The following CARMIL1 variants were observed in gnomAD, a reference collection of about 807,000 sequenced individuals.
CARMIL1 encodes F-actin-uncapping protein LRRC16A.
CARMIL1 carries 90 observed loss-of-function variants against 177.1 expected under a neutral mutation model. The observed-to-expected ratio is 0.51, with a 90% CI of 0.43 to 0.61. The LOEUF (loss-of-function observed/expected upper bound fraction) is 0.61, where lower values mean the gene tolerates loss of function less well. Among genes scored for constraint, CARMIL1 ranks in the 20% least tolerant of loss-of-function variants. The probability of loss-of-function intolerance (pLI) is 0.00; values close to 1 mark genes in which losing one functional copy is unlikely to be tolerated. For synonymous variants in CARMIL1, 577 were observed against 606.2 expected (o/e 0.95, Z 0.71); for missense variants, 1,380 against 1,667.0 (o/e 0.83, Z 3.00).
At chr6:25,312,202 AAACTT>A (rs201076854) in intron 2 of CARMIL1, among the ~76,000 whole-genome samples, 1,543 of 152,310 alleles carry the variant, frequency 0.01, 29 homozygotes, top group African/African-American at 0.035. Context: ...GTGCTCAGAT[AAACTT>A]TAGAGCACCC....
chr6:25,592,116 A>G (rs1224125060), intron 31 of CARMIL1, among the ~76,000 whole-genome samples: 1 of 152,144 alleles, frequency 6.6e-6, no homozygotes, highest in African/African-American at 2.4e-5. Context: ...GCCCTGTGTT[A>G]GGACCGTATG....
intron 2 of CARMIL1, among the ~76,000 whole-genome samples, chr6:25,294,655 A>G (rs1230822964): frequency 6.6e-6 from 1 of 152,216 alleles, no homozygotes; most frequent in Non-Finnish European, 1.5e-5. Context: ...AGTGCAGTTC[A>G]AGTATTTGAA....
intron 30 of CARMIL1, 35 bp from the exon 31 acceptor site, chr6:25,581,207 TG>T (rs751636836): frequency 1.7e-5 from 27 of 1,587,368 alleles, no homozygotes; most frequent in East Asian, 1.6e-4. Context: ...GCTTTGGCCT[TG>T]GGCTGTTTTT....
chr6:25,583,004 C>T (rs981356170), intron 31 of CARMIL1, among the ~76,000 whole-genome samples: 1 of 152,130 alleles, frequency 6.6e-6, no homozygotes, highest in Non-Finnish European at 1.5e-5. Context: ...GAGGAAATAG[C>T]AAAAGCAGGA....
At chr6:25,306,309 A>C (rs1454740014) in intron 2 of CARMIL1, among the ~76,000 whole-genome samples, 1 of 152,172 alleles carries the variant, frequency 6.6e-6, no homozygotes, top group African/African-American at 2.4e-5. Flanking sequence ...GGTGAGCGGC[A>C]GGTAAGTGAG....
In CARMIL1 at chr6:25,471,289, G is replaced by A. The variant is rs999049289; in HGVS notation, c.779+32G>A. On this transcript the variant is annotated intron_variant, in intron 10 of 36. Coordinates refer to ENST00000329474, the MANE Select transcript of CARMIL1 (RefSeq NM_017640.6). ...ATTTTCCTGAATATATAAATATGTTGCTTTAAAACTCTGTGCCATTTGCTC... is the reference window on the plus strand; with the variant it reads ...ATTTTCCTGAATATATAAATATGTTACTTTAAAACTCTGTGCCATTTGCTC... 2.7e-6 allele frequency: 4 copies of A among 1,484,852 alleles called. No homozygotes were observed. In the African/African-American group the frequency reaches 5.6e-5, roughly 21 times the overall value. 92.0% of individuals were successfully genotyped at this position (1,484,852 alleles called of 1,614,324 possible).
At chr6:25,603,434 C>T (rs1008346886) in intron 33 of CARMIL1, among the ~76,000 whole-genome samples, 1 of 152,224 alleles carries the variant, frequency 6.6e-6, no homozygotes, top group African/African-American at 2.4e-5. Context: ...GCCTTCCTGC[C>T]ACTTGGGTGC....
chr6:25,405,050 T>TGC, intron 2 of CARMIL1, among the ~76,000 whole-genome samples: 1 of 152,016 alleles, frequency 6.6e-6, no homozygotes, highest in East Asian at 1.9e-4. Context: ...CCTCCTGTTG[T>TGC]GAAGACTGGG....
At chr6:25,453,449 G>A (rs969934385) in intron 8 of CARMIL1, among the ~76,000 whole-genome samples, 7 of 152,170 alleles carry the variant, frequency 4.6e-5, no homozygotes, top group Non-Finnish European at 1.0e-4. Context: ...CATTGAGACA[G>A]TGATCCCTTT....
At chr6:25,449,843 A>C (rs1581984197) in intron 5 of CARMIL1, 55 bp from the exon 6 acceptor site, 1 of 982,226 alleles carries the variant, frequency 1.0e-6, no homozygotes, top group East Asian at 2.5e-5. Flanking sequence ...ATTTATTTCT[A>C]TGTGCAGTCA....
At position 25,485,271 on chromosome 6, in the gene CARMIL1, T is replaced by TA. The variant is rs143382002; in HGVS notation, c.961+2929dup. ...GCAAAGCTGGGCTTCTCCACCTCCT[T>TA]ACGATGAGGACAGCCCCACGTTGCC... On this transcript the variant is annotated intron_variant, in intron 12 of 36. Transcript: ENST00000329474. Among the ~76,000 whole-genome samples the TA allele has an allele frequency of 2.7e-3, 406 of 152,236 alleles. 1 individual carries two copies. Among genetic ancestry groups the TA allele is most frequent in the African/African-American group, 9.1e-3 (377 of 41,538 alleles).
chr6:25,377,176 C>T (rs376947173), intron 2 of CARMIL1, among the ~76,000 whole-genome samples: 1 of 152,306 alleles, frequency 6.6e-6, no homozygotes, highest in South Asian at 2.1e-4. Context: ...TGGGGGAAGC[C>T]TCAGCTATGT....
intron 2 of CARMIL1, among the ~76,000 whole-genome samples, chr6:25,379,109 A>T (rs1328649022): frequency 6.6e-6 from 1 of 152,220 alleles, no homozygotes; most frequent in South Asian, 2.1e-4. Context: ...TTATTTTGAG[A>T]CTTAAATAAG....
intron 24 of CARMIL1, among the ~76,000 whole-genome samples, chr6:25,530,125 G>C (rs2151102698): frequency 6.6e-6 from 1 of 151,456 alleles, no homozygotes; most frequent in Non-Finnish European, 1.5e-5. Flanking sequence ...GAATTGATCA[G>C]AATGAGTGGG....
chr6:25,501,833 G>A (rs902950550), intron 17 of CARMIL1, among the ~76,000 whole-genome samples: 6 of 152,022 alleles, frequency 3.9e-5, no homozygotes, highest in African/African-American at 1.2e-4. Context: ...TTGCCTCTAT[G>A]AAAATTCTAG....
intron 1 of CARMIL1, among the ~76,000 whole-genome samples, chr6:25,283,284 A>G (rs1781281499): frequency 1.3e-5 from 2 of 152,146 alleles, no homozygotes; most frequent in African/African-American, 4.8e-5. Flanking sequence ...GATGAATCTC[A>G]CAGTTTTGGA....
intron 12 of CARMIL1, among the ~76,000 whole-genome samples, chr6:25,485,938 T>TA (rs36113795): frequency 1.2e-3 from 169 of 142,366 alleles, no homozygotes; most frequent in Admixed American, 1.3e-3. Flanking sequence ...CAAGACAGAT[T>TA]AAAAAAAAAA....
At chr6:25,569,491 A>G (rs1490819641) in intron 29 of CARMIL1, among the ~76,000 whole-genome samples, 1 of 152,178 alleles carries the variant, frequency 6.6e-6, no homozygotes. Flanking sequence ...TATAACTAGG[A>G]TCCTAAGTCA....
At chr6:25,288,478 GTT>G (rs370669890) in intron 2 of CARMIL1, among the ~76,000 whole-genome samples, 8 of 133,478 alleles carry the variant, frequency 6.0e-5, no homozygotes, top group African/African-American at 1.4e-4. Context: ...TAAGAATCAG[GTT>G]TTTTTTTTTT....
Sources: gnomAD v4.1 joint callset for allele counts (sites outside exome capture counted in the v4.1 genomes callset) on GRCh38, gnomAD v4.1.1 for gene constraint, MANE v1.5 for transcripts, NCBI Gene and HGNC (gene_info 2026-07-23, HGNC 2026-07-21) for gene names.